The following TMEFF2 variants were observed in gnomAD, a reference collection of about 807,000 sequenced individuals.
TMEFF2 encodes transmembrane protein with EGF like and two follistatin like domains 2.
A neutral mutation model predicts 53.8 loss-of-function variants in TMEFF2; 28 were observed. The observed-to-expected ratio is 0.52, with a 90% CI of 0.39 to 0.71. TMEFF2 has a LOEUF of 0.71. Ranked by LOEUF, TMEFF2 falls within the 30% of genes least tolerant of loss-of-function variation. The pLI, the probability that TMEFF2 is intolerant of heterozygous loss-of-function variation, is 0.00. For missense variants in TMEFF2, 353 were observed against 455.2 expected, an observed-to-expected ratio of 0.78 and a Z score of 2.04; for synonymous variants, 162 against 166.3, an observed-to-expected ratio of 0.97 and a Z score of 0.20.
At chr2:192,024,071 G>A (rs1255344219) in intron 5 of TMEFF2, among the ~76,000 whole-genome samples, 1 of 152,122 alleles carries the variant, frequency 6.6e-6, no homozygotes. Context: ...ATATCTTTAT[G>A]ATTGCTAAGG....
At chr2:191,990,416 AGTGTGTGTGT>A (rs55848067) in intron 7 of TMEFF2, among the ~76,000 whole-genome samples, 1 of 147,246 alleles carries the variant, frequency 6.8e-6, no homozygotes, top group Non-Finnish European at 1.5e-5. Context: ...TGCTCAGAAT[AGTGTGTGTGT>A]GTGTGTGTGT....
intron 4 of TMEFF2, among the ~76,000 whole-genome samples, chr2:192,147,292 T>C (rs900001527): frequency 6.6e-6 from 1 of 152,108 alleles, no homozygotes; most frequent in East Asian, 1.9e-4. Context: ...CTTATAATGA[T>C]AAACAATACA....
chr2:192,079,679 C>T (rs1574354040), intron 4 of TMEFF2, among the ~76,000 whole-genome samples: 1 of 152,286 alleles, frequency 6.6e-6, no homozygotes, highest in African/African-American at 2.4e-5. Context: ...ATTTTATATT[C>T]CTCAGTCATT....
chr2:192,132,588 C>T (rs1448374931), intron 4 of TMEFF2, among the ~76,000 whole-genome samples: 3 of 152,186 alleles, frequency 2.0e-5, no homozygotes, highest in Admixed American at 1.3e-4. Context: ...AATTCCTTGC[C>T]TCCACTGTGA....
intron 4 of TMEFF2, among the ~76,000 whole-genome samples, chr2:192,098,557 T>G (rs1403149273): frequency 6.6e-6 from 1 of 152,192 alleles, no homozygotes; most frequent in Non-Finnish European, 1.5e-5. Context: ...GGTACTACCA[T>G]GTTTTCCAGT....
intron 5 of TMEFF2, 147 bp from the exon 6 acceptor site, chr2:191,999,355 TCTAA>T: frequency 1.9e-6 from 1 of 529,490 alleles, no homozygotes; most frequent in South Asian, 6.4e-5. Context: ...CCTTCACTTT[TCTAA>T]CTGAGAAGAA....
intron 4 of TMEFF2, among the ~76,000 whole-genome samples, chr2:192,079,059 C>G (rs61499755): frequency 0.013 from 2,039 of 152,280 alleles, 58 homozygotes; most frequent in African/African-American, 0.046. Context: ...GCAAGATAGG[C>G]AGTTGGCTGA....
chr2:192,022,642 T>G (rs1384289773), intron 5 of TMEFF2, among the ~76,000 whole-genome samples: 3 of 152,208 alleles, frequency 2.0e-5, no homozygotes, highest in Non-Finnish European at 4.4e-5. Context: ...ATAATTAAAA[T>G]CTTATTTTAT....
At chr2:192,091,366 T>C (rs1337565605) in intron 4 of TMEFF2, among the ~76,000 whole-genome samples, 1 of 152,058 alleles carries the variant, frequency 6.6e-6, no homozygotes, top group African/African-American at 2.4e-5. Context: ...ACAGTTATGC[T>C]CAATACCCTC....
At chr2:192,002,175 G>GCC (rs1195217811) in intron 5 of TMEFF2, among the ~76,000 whole-genome samples, 2 of 151,968 alleles carry the variant, frequency 1.3e-5, no homozygotes, top group Non-Finnish European at 2.9e-5. Context: ...GGCTCTTGTT[G>GCC]CCTCAAATAA....
chr2:192,046,865 T>C (rs1470915079), intron 5 of TMEFF2, among the ~76,000 whole-genome samples: 3 of 152,234 alleles, frequency 2.0e-5, no homozygotes, highest in Middle Eastern at 3.4e-3. Flanking sequence ...TGATGTTATA[T>C]TTGAATATCC....
chr2:192,154,259 A>T (rs1290405300), intron 4 of TMEFF2, among the ~76,000 whole-genome samples: 4 of 151,950 alleles, frequency 2.6e-5, no homozygotes, highest in Non-Finnish European at 5.9e-5. Flanking sequence ...ACTAAATAAT[A>T]TGTAACACTG....
At chr2:192,090,652 T>C (rs1401223547) in intron 4 of TMEFF2, among the ~76,000 whole-genome samples, 2 of 152,098 alleles carry the variant, frequency 1.3e-5, no homozygotes, top group African/African-American at 2.4e-5. Flanking sequence ...GAATAGCTTA[T>C]ATAATATGTC....
intron 7 of TMEFF2, among the ~76,000 whole-genome samples, chr2:191,964,034 G>A (rs1482452017): frequency 6.6e-6 from 1 of 152,118 alleles, no homozygotes. Context: ...GTCGAAGTCA[G>A]GGCTCTTTCC....
chr2:192,145,970 A>G (rs561475888), intron 4 of TMEFF2, among the ~76,000 whole-genome samples: 1 of 152,042 alleles, frequency 6.6e-6, no homozygotes, highest in South Asian at 2.1e-4. Context: ...TGAACTGATT[A>G]ACTAAGCATA....
chr2:192,147,163 C>T (rs1455193170), intron 4 of TMEFF2, among the ~76,000 whole-genome samples: 1 of 151,890 alleles, frequency 6.6e-6, no homozygotes, highest in Non-Finnish European at 1.5e-5. Flanking sequence ...AACAGGAACT[C>T]TTGTAGATAT....
intron 5 of TMEFF2, among the ~76,000 whole-genome samples, chr2:192,007,443 C>A (rs1686525268): frequency 6.6e-6 from 1 of 152,132 alleles, no homozygotes; most frequent in South Asian, 2.1e-4. Context: ...GGAAAGTGAA[C>A]TGTCTGGAAA....
At chr2:192,143,249 T>C (rs557306826) in intron 4 of TMEFF2, among the ~76,000 whole-genome samples, 1 of 152,260 alleles carries the variant, frequency 6.6e-6, no homozygotes, top group East Asian at 1.9e-4. Context: ...TTGATCTGTT[T>C]ATCTAATTTA....
At chr2:192,175,316 C>T (rs1343568278) in intron 4 of TMEFF2, among the ~76,000 whole-genome samples, 1 of 151,138 alleles carries the variant, frequency 6.6e-6, no homozygotes, top group Non-Finnish European at 1.5e-5. Context: ...GAAATAGCAG[C>T]CCAAGATCTA....
Sources: allele counts gnomAD v4.1 joint callset (sites outside exome capture counted in the v4.1 genomes callset), GRCh38; gene constraint gnomAD v4.1.1; transcripts MANE v1.5; gene names NCBI Gene and HGNC (gene_info 2026-07-23, HGNC 2026-07-21).